Variants in FHIT observed in about 807,000 individuals in gnomAD.
FHIT encodes the protein bis(5'-adenosyl)-triphosphatase.
A neutral mutation model predicts 17.9 loss-of-function variants in FHIT; 19 were observed. That is an observed-to-expected ratio of 1.06 (90% CI 0.74 to 1.56). FHIT has a LOEUF of 1.56. Among genes scored for constraint, FHIT ranks in the 40% most tolerant of loss-of-function variants. FHIT has a pLI of 0.00. For missense variants in FHIT, 248 were observed against 189.2 expected, an observed-to-expected ratio of 1.31 and a Z score of -1.82; for synonymous variants, 81 against 69.7, an observed-to-expected ratio of 1.16 and a Z score of -0.81.
intron 5 of FHIT, among the ~76,000 whole-genome samples, chr3:60,354,562 CTAA>C (rs1340665586): frequency 1.3e-5 from 2 of 152,060 alleles, no homozygotes; most frequent in Non-Finnish European, 2.9e-5. Flanking sequence ...AAATTTAATT[CTAA>C]TAATAAGTCC....
chr3:59,812,015 A>T (rs901696468), intron 8 of FHIT, among the ~76,000 whole-genome samples: 5 of 152,144 alleles, frequency 3.3e-5, no homozygotes, highest in African/African-American at 9.7e-5. Context: ...AGTAAGATCT[A>T]TACACAGTGG....
chr3:60,385,110 C>A (rs1233178246), intron 5 of FHIT, among the ~76,000 whole-genome samples: 1 of 152,090 alleles, frequency 6.6e-6, no homozygotes, highest in Non-Finnish European at 1.5e-5. Context: ...GCTATATAAC[C>A]ATAACCTCTC....
intron 8 of FHIT, among the ~76,000 whole-genome samples, chr3:59,796,029 A>G (rs971492959): frequency 6.6e-6 from 1 of 152,136 alleles, no homozygotes; most frequent in African/African-American, 2.4e-5. Flanking sequence ...GGCTATAGGA[A>G]AGAGGTGGAG....
intron 5 of FHIT, among the ~76,000 whole-genome samples, chr3:60,199,431 C>T (rs778966566): frequency 7.2e-5 from 11 of 152,040 alleles, no homozygotes; most frequent in Non-Finnish European, 8.8e-5. Flanking sequence ...GGATTGGGAG[C>T]CTTTGGAATC....
At chr3:60,239,397 C>T (rs973063938) in intron 5 of FHIT, among the ~76,000 whole-genome samples, 3 of 151,976 alleles carry the variant, frequency 2.0e-5, no homozygotes, top group African/African-American at 7.2e-5. Flanking sequence ...GGACCCCAGT[C>T]TTTTAAAAAA....
At chr3:60,918,207 A>ACAAT (rs1707103490) in intron 3 of FHIT, among the ~76,000 whole-genome samples, 1 of 152,228 alleles carries the variant, frequency 6.6e-6, no homozygotes, top group Non-Finnish European at 1.5e-5. Flanking sequence ...TTCCCCAGCC[A>ACAAT]GGTGAAACTG....
intron 5 of FHIT, among the ~76,000 whole-genome samples, chr3:60,106,114 T>C (rs148959820): frequency 6.6e-6 from 1 of 152,336 alleles, no homozygotes; most frequent in Non-Finnish European, 1.5e-5. Context: ...TATATGCCAC[T>C]CACCTGTTAG....
intron 4 of FHIT, among the ~76,000 whole-genome samples, chr3:60,764,297 CA>C (rs1699772572): frequency 6.6e-6 from 1 of 151,974 alleles, no homozygotes; most frequent in African/African-American, 2.4e-5. Flanking sequence ...TTGCATCTGC[CA>C]AAATGGTTTT....
At chr3:59,899,798 A>G (rs1704243258) in intron 8 of FHIT, among the ~76,000 whole-genome samples, 1 of 152,150 alleles carries the variant, frequency 6.6e-6, no homozygotes, top group South Asian at 2.1e-4. Context: ...GTGAGCCATG[A>G]TGGTGCCACT....
intron 4 of FHIT, among the ~76,000 whole-genome samples, chr3:60,650,426 G>A (rs564332741): frequency 5.9e-5 from 9 of 152,170 alleles, no homozygotes; most frequent in African/African-American, 1.7e-4. Context: ...GACTAAAGCC[G>A]AGGGTCTGGT....
chr3:60,395,158 G>A (rs915462998), intron 5 of FHIT, among the ~76,000 whole-genome samples: 1 of 152,218 alleles, frequency 6.6e-6, no homozygotes, highest in Non-Finnish European at 1.5e-5. Context: ...GCTAGATGCA[G>A]ATTTGACAGC....
intron 5 of FHIT, among the ~76,000 whole-genome samples, chr3:60,152,150 G>T (rs919438001): frequency 3.9e-5 from 6 of 152,136 alleles, no homozygotes; most frequent in African/African-American, 1.2e-4. Context: ...CCTGTTCTTG[G>T]TTCCCTTTGG....
At chr3:60,184,491 G>C (rs185868153) in intron 5 of FHIT, among the ~76,000 whole-genome samples, 1 of 152,206 alleles carries the variant, frequency 6.6e-6, no homozygotes, top group African/African-American at 2.4e-5. Context: ...ATTGCACTAT[G>C]TCTATGGTTT....
At chr3:61,204,292 T>C (rs1301323497) in intron 1 of FHIT, among the ~76,000 whole-genome samples, 2 of 152,168 alleles carry the variant, frequency 1.3e-5, no homozygotes, top group Non-Finnish European at 1.5e-5. Flanking sequence ...GCTTCTGGAA[T>C]ATGGTAATGA....
intron 7 of FHIT, among the ~76,000 whole-genome samples, chr3:59,948,404 C>G (rs1706940320): frequency 6.6e-6 from 1 of 150,724 alleles, no homozygotes; most frequent in Non-Finnish European, 1.5e-5. Context: ...ATAGTCCCAG[C>G]TACTTGGGAG....
At chr3:59,994,561 G>A (rs757302054) in intron 7 of FHIT, among the ~76,000 whole-genome samples, 5 of 152,068 alleles carry the variant, frequency 3.3e-5, no homozygotes, top group African/African-American at 1.2e-4. Context: ...GTTAAGGAAC[G>A]TACTTCCACT....
chr3:60,803,256 A>G (rs1461947850), intron 4 of FHIT, among the ~76,000 whole-genome samples: 1 of 152,120 alleles, frequency 6.6e-6, no homozygotes, highest in Non-Finnish European at 1.5e-5. Context: ...GCACCGCATG[A>G]TCTGTGAGCA....
chr3:60,045,330 C>G (rs376473333), intron 5 of FHIT, among the ~76,000 whole-genome samples: 4 of 152,102 alleles, frequency 2.6e-5, no homozygotes, highest in Non-Finnish European at 1.5e-5. Context: ...GCTGGGGAGG[C>G]CTCACAATCA....
chr3:60,171,538 T>C lies in FHIT; in HGVS notation c.104-157386A>G, dbSNP rs145657567. 3.3e-3 allele frequency among the ~76,000 whole-genome samples: 502 copies of C among 152,348 alleles called. 4 individuals carry two copies. The highest frequency in any genetic ancestry group is 0.011 in the African/African-American group (475 of 41,582). On this transcript the variant is annotated intron_variant, in intron 5 of 9. Coordinates refer to ENST00000492590, the MANE Select transcript of FHIT (RefSeq NM_002012.4). The stretch of plus-strand genomic sequence containing the variant: ...ATTTCTGAATGGTTTCCATCTCATT[T>C]TCCAAAGAAAATGTAAAATTTCAGA...
Sources: gnomAD v4.1 joint callset for allele counts (sites outside exome capture counted in the v4.1 genomes callset) on GRCh38, gnomAD v4.1.1 for gene constraint, MANE v1.5 for transcripts, NCBI Gene and HGNC (gene_info 2026-07-23, HGNC 2026-07-21) for gene names.